The following APOBEC3G variants were observed in gnomAD, a reference collection of about 807,000 sequenced individuals.
APOBEC3G encodes apolipoprotein B mRNA editing enzyme catalytic subunit 3G.
In APOBEC3G, 44 loss-of-function variants were observed where a neutral mutation model predicts 50.0. The ratio of observed to expected loss-of-function variants is 0.88; its 90% CI spans 0.69 to 1.13. The LOEUF is 1.13. APOBEC3G is among the 50% of genes most tolerant of loss of function. The pLI is 0.00. For synonymous variants in APOBEC3G, 156 were observed against 175.3 expected, an observed-to-expected ratio of 0.89 and a Z score of 0.87; for missense variants, 469 against 492.0, an observed-to-expected ratio of 0.95 and a Z score of 0.44.
intron 7 of APOBEC3G, 46 bp downstream of exon 7, chr22:39,087,172 C>T (rs200261226): frequency 3.7e-6 from 6 of 1,612,680 alleles, no homozygotes; most frequent in Non-Finnish European, 5.1e-6. Context: ...GCCTCCCCCT[C>T]CTCCCCTCTC....
intron 3 of APOBEC3G, 116 bp downstream of exon 3, chr22:39,081,343 G>C: frequency 6.5e-7 from 1 of 1,542,852 alleles, no homozygotes; most frequent in Non-Finnish European, 8.8e-7. Context: ...GTGTCCCAGG[G>C]GAGCCTGTGG....
At chr22:39,087,310 C>G in intron 7 of APOBEC3G, 97 bp from the exon 8 acceptor site, 2 of 1,602,354 alleles carry the variant, frequency 1.2e-6, no homozygotes, top group South Asian at 2.2e-5. Context: ...ACATCCCTCC[C>G]TCCTCTCCGA....
At chr22:39,083,913 C>T in intron 5 of APOBEC3G, 29 bp downstream of exon 5, 2 of 1,605,296 alleles carry the variant, frequency 1.2e-6, no homozygotes, top group Non-Finnish European at 1.7e-6. Flanking sequence ...CGCATCCAGG[C>T]AGGGCCCTCC....
Position 39,078,929 on chromosome 22 carries a change from C to A in APOBEC3G, c.18-3C>A, listed in dbSNP as rs1231523207. The A allele has an allele frequency of 1.2e-6, 2 of 1,613,472 alleles. No individual in the cohort carries two copies. Among genetic ancestry groups the A allele is most frequent in the Non-Finnish European group, 8.5e-7 (1 of 1,179,610 alleles). The stretch of plus-strand genomic sequence containing the variant: ...TTGGCTGGTTTCTCTCTTGTGTCTT[C>A]AGAAACACAGTGGAGCGAATGTATC... On this transcript the variant is annotated splice_region_variant and splice_polypyrimidine_tract_variant and intron_variant, in intron 1 of 7. Transcript: ENST00000407997.
At chr22:39,078,827 G>A in intron 1 of APOBEC3G, 105 bp from the exon 2 acceptor site, 1 of 1,460,744 alleles carries the variant, frequency 6.8e-7, no homozygotes, top group Non-Finnish European at 9.1e-7. Context: ...GGGGAGGGAT[G>A]GGGGAGGCCT....
Position 39,087,453 on chromosome 22 carries a change from G to C in APOBEC3G, c.*32G>C. The C allele has an allele frequency of 6.2e-7, 1 of 1,613,940 alleles. No homozygotes were observed. Among genetic ancestry groups the C allele is most frequent in the Non-Finnish European group, 8.5e-7 (1 of 1,179,848 alleles). Reference sequence around the variant, plus strand: ...GGCCTCAGTCTCTAAGGAAGGCAGAGACCTGGGTTGAGCCTCAGAATAAAA... The same window carrying C: ...GGCCTCAGTCTCTAAGGAAGGCAGACACCTGGGTTGAGCCTCAGAATAAAA... On this transcript the variant is annotated 3_prime_UTR_variant, in exon 8 of 8. Coordinates refer to ENST00000407997, the MANE Select transcript of APOBEC3G (RefSeq NM_021822.4).
intron 4 of APOBEC3G, chr22:39,081,786 T>C: frequency 1.9e-6 from 1 of 539,340 alleles, no homozygotes; most frequent in African/African-American, 1.9e-5. Context: ...CCACCTGCTT[T>C]CCTGGGCCCT....
intron 4 of APOBEC3G, among the ~76,000 whole-genome samples, chr22:39,083,445 G>C (rs1928560654): frequency 6.6e-6 from 1 of 152,194 alleles, no homozygotes; most frequent in Non-Finnish European, 1.5e-5. Context: ...CTGTACCCCA[G>C]GGAGAGGGCC....
chr22:39,077,379 G>A lies in APOBEC3G; in HGVS notation c.17+1G>A, dbSNP rs745570398. The A allele has an allele frequency of 3.2e-6, 5 of 1,582,552 alleles. No individual in the cohort carries two copies. The South Asian group carries it at 5.8e-5, about 18-fold the overall frequency. ...GGCCAAGGATGAAGCCTCACTTCAG[G>A]TACCGCTGCCCGCTCTACCCACTGG... On this transcript the variant is annotated splice_donor_variant, in intron 1 of 7. Transcript: ENST00000407997. LOFTEE classifies it high-confidence loss of function.
intron 5 of APOBEC3G, 51 bp downstream of exon 5, chr22:39,083,935 C>G: frequency 6.3e-7 from 1 of 1,587,504 alleles, no homozygotes; most frequent in Non-Finnish European, 8.6e-7. Context: ...AACCCAGGGA[C>G]ACCCATGGGC....
chr22:39,079,360 CA>C, intron 2 of APOBEC3G: 1 of 383,790 alleles, frequency 2.6e-6, no homozygotes, highest in East Asian at 5.2e-5. Context: ...TCTTGTTGCT[CA>C]GGCTGGAGTG....
intron 4 of APOBEC3G, 60 bp from the exon 5 acceptor site, chr22:39,083,671 G>C: frequency 2.5e-6 from 4 of 1,571,122 alleles, no homozygotes; most frequent in East Asian, 2.3e-5. Context: ...GGAGAGGGAG[G>C]GGGAGGTGGG....
chr22:39,080,928 C>T lies in APOBEC3G; in HGVS notation c.172-5C>T, dbSNP rs763834861. The stretch of plus-strand genomic sequence containing the variant: ...GAGCTTGCCCTGACCCTGCTCCTCT[C>T]CCAGGTGTATTCCGAACTTAAGTAC... On this transcript the variant is annotated splice_region_variant and splice_polypyrimidine_tract_variant and intron_variant, in intron 2 of 7. Coordinates refer to ENST00000407997, the MANE Select transcript of APOBEC3G (RefSeq NM_021822.4). 1 of 1,584,376 alleles carries T rather than the reference C, an allele frequency of 6.3e-7. No homozygotes were observed. The highest frequency in any genetic ancestry group is 1.1e-5 in the South Asian group (1 of 90,486).
chr22:39,083,552 G>T (rs1357259439), intron 4 of APOBEC3G, among the ~76,000 whole-genome samples, 179 bp from the exon 5 acceptor site: 2 of 152,220 alleles, frequency 1.3e-5, no homozygotes, highest in Non-Finnish European at 2.9e-5. Context: ...GGGGTCAGAG[G>T]GGGAGGTTTG....
chr22:39,081,752 G>A (rs1928472288), intron 4 of APOBEC3G, 167 bp downstream of exon 4: 16 of 593,890 alleles, frequency 2.7e-5, no homozygotes, highest in Middle Eastern at 4.3e-4. Flanking sequence ...CACACTCCTC[G>A]TGCTCCCTCC....
At chr22:39,077,261 G>A, upstream of APOBEC3G, 2 of 1,549,398 alleles carry the variant, frequency 1.3e-6, no homozygotes, top group East Asian at 2.4e-5. Flanking sequence ...GGCCCTGGGA[G>A]GTCACTTTAG....
intron 2 of APOBEC3G, 68 bp from the exon 3 acceptor site, chr22:39,080,865 C>T: frequency 3.2e-6 from 4 of 1,238,056 alleles, no homozygotes; most frequent in Non-Finnish European, 4.5e-6. Context: ...CCCTCCTCCC[C>T]CTGCCCCACC....
intron 5 of APOBEC3G, among the ~76,000 whole-genome samples, chr22:39,085,126 G>A (rs1221459629): frequency 6.6e-6 from 1 of 152,172 alleles, no homozygotes; most frequent in Non-Finnish European, 1.5e-5. Context: ...GGACTCCTGG[G>A]CTTGACTAGT....
chr22:39,085,122 C>T (rs962158446), intron 5 of APOBEC3G, among the ~76,000 whole-genome samples: 1 of 152,194 alleles, frequency 6.6e-6, no homozygotes, highest in African/African-American at 2.4e-5. Context: ...CACTGGACTC[C>T]TGGGCTTGAC....
Sources: allele counts gnomAD v4.1 joint callset (sites outside exome capture counted in the v4.1 genomes callset), GRCh38; gene constraint gnomAD v4.1.1; transcripts MANE v1.5; gene names NCBI Gene and HGNC (gene_info 2026-07-23, HGNC 2026-07-21).